Variants in CTIF observed in about 807,000 individuals in gnomAD.
CTIF encodes the protein cap binding complex dependent translation initiation factor, also known as CBP80/20-dependent translation initiation factor.
CTIF carries 21 observed loss-of-function variants against 66.0 expected under a neutral mutation model. The observed-to-expected ratio is 0.32, with a 90% CI of 0.23 to 0.46. The LOEUF is 0.46. Ranked by LOEUF, CTIF falls within the 20% of genes least tolerant of loss-of-function variation. The pLI is 1.00. For missense variants in CTIF, 739 were observed against 812.7 expected, an observed-to-expected ratio of 0.91 and a Z score of 1.10; for synonymous variants, 345 against 326.4, an observed-to-expected ratio of 1.06 and a Z score of -0.62.
At chr18:48,576,863 C>T (rs2089544924) in intron 1 of CTIF, among the ~76,000 whole-genome samples, 1 of 152,240 alleles carries the variant, frequency 6.6e-6, no homozygotes, top group African/African-American at 2.4e-5. Flanking sequence ...GTTTTCTGGG[C>T]TTCGCCACTG....
At chr18:48,757,860 G>A (rs957679017) in intron 7 of CTIF, 59 bp from the exon 8 acceptor site, 21 of 1,556,056 alleles carry the variant, frequency 1.3e-5, no homozygotes, top group African/African-American at 4.1e-5. Context: ...GCTGGGCACA[G>A]GGACTCTGAC....
At chr18:48,789,883 T>G (rs144372488) in intron 9 of CTIF, among the ~76,000 whole-genome samples, 14 of 152,254 alleles carry the variant, frequency 9.2e-5, no homozygotes, top group Admixed American at 5.2e-4. Flanking sequence ...AGGGTACTGG[T>G]GAAGAGTATA....
intron 7 of CTIF, among the ~76,000 whole-genome samples, chr18:48,717,329 C>G (rs1433257798): frequency 6.6e-6 from 1 of 151,544 alleles, no homozygotes; most frequent in South Asian, 2.1e-4. Flanking sequence ...ACCTGGGAGG[C>G]GGAGGTTGCA....
At chr18:48,631,197 G>A (rs576979617) in intron 2 of CTIF, among the ~76,000 whole-genome samples, 1 of 152,214 alleles carries the variant, frequency 6.6e-6, no homozygotes, top group Non-Finnish European at 1.5e-5. Flanking sequence ...GGGTGTGGTG[G>A]CTCCCACCTG....
intron 9 of CTIF, among the ~76,000 whole-genome samples, chr18:48,765,273 G>A (rs182922953): frequency 1.3e-5 from 2 of 152,220 alleles, no homozygotes; most frequent in Admixed American, 6.5e-5. Flanking sequence ...CCTGAGGTTT[G>A]CACTCAGCTC....
intron 3 of CTIF, among the ~76,000 whole-genome samples, chr18:48,660,471 C>A (rs1043188113): frequency 1.3e-5 from 2 of 152,202 alleles, no homozygotes; most frequent in Non-Finnish European, 1.5e-5. Flanking sequence ...CATGCAGGCA[C>A]AGCTTCTGCC....
At chr18:48,813,732 C>A (rs541298976) in intron 9 of CTIF, among the ~76,000 whole-genome samples, 26 of 152,330 alleles carry the variant, frequency 1.7e-4, no homozygotes, top group African/African-American at 6.3e-4. Flanking sequence ...GTTCTTTGAT[C>A]AGATGCAATC....
Position 48,859,555 on chromosome 18 carries a change from C to T in CTIF, c.1793C>T (p.Ala598Val), listed in dbSNP as rs774310290. The T allele has an allele frequency of 2.0e-5, 33 of 1,613,756 alleles. No individual in the cohort carries two copies. The highest frequency in any genetic ancestry group is 2.5e-5 in the Non-Finnish European group (30 of 1,179,982). Residue 598 changes from alanine to valine, a missense_variant, in exon 12 of 12, where the codon GCC becomes GTC. Transcript: ENST00000256413. ...AACAGAACCATCCAGAAACTGACAGCCTGACAGCCAGGGGGCCTGGCAGGC... is the reference window on the plus strand; with the variant it reads ...AACAGAACCATCCAGAAACTGACAGTCTGACAGCCAGGGGGCCTGGCAGGC... ...YYNRTIQKLT[A>V]
intron 10 of CTIF, among the ~76,000 whole-genome samples, chr18:48,842,036 AGT>A (rs1373976717): frequency 6.6e-6 from 1 of 151,936 alleles, no homozygotes; most frequent in East Asian, 1.9e-4. Flanking sequence ...GGGGCAGTTA[AGT>A]GTGCACTCAG....
chr18:48,571,408 G>A (rs887728167), intron 1 of CTIF, among the ~76,000 whole-genome samples: 2 of 152,094 alleles, frequency 1.3e-5, no homozygotes, highest in African/African-American at 4.8e-5. Context: ...CACCCTCCTC[G>A]GCCTCCCAAA....
chr18:48,555,602 T>G (rs1055964035), intron 1 of CTIF, among the ~76,000 whole-genome samples: 2 of 152,222 alleles, frequency 1.3e-5, no homozygotes, highest in Non-Finnish European at 2.9e-5. Context: ...CTCCTGTGTC[T>G]TAGCACTGCC....
At chr18:48,842,773 GTTTAC>G (rs958528087) in intron 10 of CTIF, among the ~76,000 whole-genome samples, 3 of 152,242 alleles carry the variant, frequency 2.0e-5, no homozygotes, top group African/African-American at 7.2e-5. Flanking sequence ...CTGTTTGATT[GTTTAC>G]TTTAGAGAGC....
intron 10 of CTIF, among the ~76,000 whole-genome samples, chr18:48,854,873 T>G (rs548781635): frequency 6.6e-6 from 1 of 152,372 alleles, no homozygotes; most frequent in South Asian, 2.1e-4. Context: ...CAGTGAGCTG[T>G]GATCAAGATG....
intron 1 of CTIF, among the ~76,000 whole-genome samples, chr18:48,615,772 A>G (rs1355947142): frequency 6.6e-6 from 1 of 152,180 alleles, no homozygotes; most frequent in Non-Finnish European, 1.5e-5. Context: ...CCTGGACAGG[A>G]GACCCCGGGG....
chr18:48,577,206 C>A (rs1004751), intron 1 of CTIF, among the ~76,000 whole-genome samples: 2 of 152,196 alleles, frequency 1.3e-5, no homozygotes, highest in East Asian at 3.9e-4. Flanking sequence ...TGTTTCCGCC[C>A]CAGGACCAGG....
At position 48,670,729 on chromosome 18, in the gene CTIF, C is replaced by T; in HGVS notation, c.492C>T (p.Val164=). Residue 164 remains valine, a synonymous_variant, in exon 6 of 12, where the codon GTC becomes GTT. Transcript: ENST00000256413. ...TCAACCTGAATGACATCGAGAAGGT[C>T]CTTCCAGCCTGGCAGGTAGGTGCAG... The part of the protein sequence containing the change: ...DGINLNDIEK[V]LPAWQGYHPM... 6.2e-7 allele frequency: 1 copy of T among 1,614,108 alleles called. No individual in the cohort carries two copies. The highest frequency in any genetic ancestry group is 8.5e-7 in the Non-Finnish European group (1 of 1,179,972).
At chr18:48,547,039 C>T (rs189493694) in intron 1 of CTIF, among the ~76,000 whole-genome samples, 122 of 152,248 alleles carry the variant, frequency 8.0e-4, no homozygotes, top group Middle Eastern at 3.4e-3. Flanking sequence ...GGCTCTTTGC[C>T]CTTTGCTGAC....
chr18:48,831,879 T>C (rs1205490827), intron 10 of CTIF, among the ~76,000 whole-genome samples: 1 of 152,210 alleles, frequency 6.6e-6, no homozygotes, highest in Non-Finnish European at 1.5e-5. Flanking sequence ...TGAAAGCAGC[T>C]CTCAATTTGG....
At chr18:48,730,550 TGCTGTGTGAGG>T (rs2092441016) in intron 7 of CTIF, among the ~76,000 whole-genome samples, 1 of 4,656 alleles carries the variant, frequency 2.1e-4, no homozygotes, top group Non-Finnish European at 3.9e-4. Flanking sequence ...GAGGGGCTTC[TGCTGTGTGAGG>T]GGCTTCTGCG....
Sources: gnomAD v4.1 joint callset for allele counts (sites outside exome capture counted in the v4.1 genomes callset) on GRCh38, gnomAD v4.1.1 for gene constraint, MANE v1.5 for transcripts, NCBI Gene and HGNC (gene_info 2026-07-23, HGNC 2026-07-21) for gene names.